EMX1: variants seen among roughly 807,000 people sequenced by gnomAD.
EMX1 encodes the protein homeobox protein EMX1.
Under a neutral mutation model 20.1 loss-of-function variants are expected in EMX1, and 10 were observed. The ratio of observed to expected loss-of-function variants is 0.50; its 90% confidence interval spans 0.31 to 0.84. The LOEUF (loss-of-function observed/expected upper bound fraction) is 0.84, where lower values mean the gene tolerates loss of function less well. Ranked by LOEUF, EMX1 falls within the 40% of genes least tolerant of loss-of-function variation. The pLI, the probability that EMX1 is intolerant of heterozygous loss-of-function variation, is 0.05. For synonymous variants in EMX1, 250 were observed against 200.4 expected, an observed-to-expected ratio of 1.25 and a Z score of -2.09; for missense variants, 424 against 431.9, an observed-to-expected ratio of 0.98 and a Z score of 0.16.
At chr2:72,931,300 G>A (rs550333934) in intron 2 of EMX1, among the ~76,000 whole-genome samples, 1 of 152,334 alleles carries the variant, frequency 6.6e-6, no homozygotes, top group Admixed American at 6.5e-5. Flanking sequence ...TCCCACTACA[G>A]GCCAATGTGA....
intron 1 of EMX1, among the ~76,000 whole-genome samples, chr2:72,918,644 C>G (rs535317672): frequency 2.6e-5 from 4 of 152,356 alleles, no homozygotes; most frequent in Admixed American, 2.6e-4. Context: ...GTCCTCGGAG[C>G]CTGTGCTGGC....
chr2:72,931,591 C>G (rs1318043282), intron 2 of EMX1, among the ~76,000 whole-genome samples: 1 of 152,172 alleles, frequency 6.6e-6, no homozygotes, highest in East Asian at 1.9e-4. Flanking sequence ...TGAGAACCAC[C>G]CAGGGTCCAG....
intron 2 of EMX1, among the ~76,000 whole-genome samples, chr2:72,932,649 G>A (rs1414558562): frequency 6.6e-6 from 1 of 152,142 alleles, no homozygotes; most frequent in Non-Finnish European, 1.5e-5. Context: ...AACAGATGCT[G>A]GAGGAGGAGG....
upstream of EMX1, chr2:72,916,374 C>T (rs1159913515): frequency 2.4e-6 from 1 of 416,618 alleles, no homozygotes; most frequent in East Asian, 5.1e-5. Context: ...GGCGAGGAAG[C>T]GGAACTCTCT....
Position 72,917,701 on chromosome 2 carries a change from C to T in EMX1, c.-152C>T, listed in dbSNP as rs1172065863. ...GTGCGGGCGCCTGGAGCTGCCCGCT[C>T]CGCCGCAGCAGCCGCCGCGCCTGGC... is the stretch of plus-strand genomic sequence containing the variant. On this transcript the variant is annotated 5_prime_UTR_variant, in exon 1 of 3. Transcript: ENST00000258106. 4.2e-6 allele frequency: 3 copies of T among 709,280 alleles called. No individual in the cohort carries two copies. Among genetic ancestry groups the T allele is most frequent in the Non-Finnish European group, 1.9e-6 (1 of 536,500 alleles). 43.9% of individuals were successfully genotyped at this position (709,280 alleles called of 1,614,324 possible). A position where few individuals can be genotyped will look rare whatever the true frequency, so the allele number is the denominator to read the frequency against.
In EMX1 at chr2:72,918,271, C is replaced by A; in HGVS notation, c.419C>A (p.Pro140Gln). ...CCGGCGCACCAGCTGGGCGCCTCCC[C>A]GCTGCAGCCCCCGCACTCCTTCTTC... ...VHPAHQLGAS[P>Q]LQPPHSFFGA... The change falls in exon 1 of 3, where the codon CCG becomes CAG. Residue 140 changes from proline (P) to glutamine (Q), a missense_variant. Physicochemically the swap from Pro to Gln is moderately conservative, Grantham distance 76. Transcript: ENST00000258106. The A allele has an allele frequency of 6.3e-7, 1 of 1,577,090 alleles. No homozygotes were observed. The highest frequency in any genetic ancestry group is 1.1e-5 in the South Asian group (1 of 88,498).
chr2:72,918,172 C>A lies in EMX1; in HGVS notation c.320C>A (p.Ala107Glu). 6.6e-7 allele frequency: 1 copy of A among 1,514,778 alleles called. No individual in the cohort carries two copies. The highest frequency in any genetic ancestry group is 8.7e-7 in the Non-Finnish European group (1 of 1,146,656). 93.8% of individuals were successfully genotyped at this position (1,514,778 alleles called of 1,614,324 possible). The change falls in exon 1 of 3, where the codon GCG becomes GAG. Residue 107 changes from alanine (A) to glutamate (E), a missense_variant. Around this residue, in one of 2 missense-constraint regions of EMX1, gnomAD observed 333 missense variants for 296.6 expected, o/e 1.12. Transcript: ENST00000258106. ...SGFPAAAAAG[A>E]GRSLYGGPEL... ...TTCCCTGCCGCGGCCGCCGCGGGCGCGGGCCGCTCGCTCTACGGTGGGCCC... is the reference window on the plus strand; with the variant it reads ...TTCCCTGCCGCGGCCGCCGCGGGCGAGGGCCGCTCGCTCTACGGTGGGCCC...
At chr2:72,926,361 A>G (rs2105267781) in intron 2 of EMX1, 1 of 894,382 alleles carries the variant, frequency 1.1e-6, no homozygotes, top group East Asian at 1.2e-4. Flanking sequence ...ACAAAACCAG[A>G]TAGAATAACA....
At position 72,933,653 on chromosome 2, in the gene EMX1, G is replaced by A. The variant is rs576224436; in HGVS notation, c.706-134G>A. 89 of 1,205,152 alleles carry A rather than the reference G, an allele frequency of 7.4e-5. No individual in the cohort carries two copies. In the African/African-American group the frequency reaches 1.1e-3, roughly 15 times the overall value. 74.7% of individuals were successfully genotyped at this position (1,205,152 alleles called of 1,614,324 possible). A position where few individuals can be genotyped will look rare whatever the true frequency, so the allele number is the denominator to read the frequency against. On this transcript the variant is annotated intron_variant, in intron 2 of 2. Transcript: ENST00000258106. ...GGAGCAGCTGGTCAGAGGGGACCCCGGCCTGGGGCCCCTAACCCTATGTAG... is the reference window on the plus strand; with the variant it reads ...GGAGCAGCTGGTCAGAGGGGACCCCAGCCTGGGGCCCCTAACCCTATGTAG...
chr2:72,933,713 G>T (rs1671320624), intron 2 of EMX1, 74 bp from the exon 3 acceptor site: 1 of 1,568,166 alleles, frequency 6.4e-7, no homozygotes. Flanking sequence ...AGCTCAGCCT[G>T]AGTGTTGAGG....
upstream of EMX1, chr2:72,916,723 A>G (rs779854698): frequency 1.5e-5 from 11 of 717,254 alleles, no homozygotes; most frequent in South Asian, 1.6e-4. Flanking sequence ...TTTAAGCCAC[A>G]GTGTCTCCGA....
intron 2 of EMX1, among the ~76,000 whole-genome samples, chr2:72,925,107 T>C (rs1443036842): frequency 6.6e-6 from 1 of 152,170 alleles, no homozygotes; most frequent in African/African-American, 2.4e-5. Context: ...CCAGGCCGGC[T>C]GATAGGGCTG....
chr2:72,933,534 T>C (rs1671317099), intron 2 of EMX1: 2 of 515,816 alleles, frequency 3.9e-6, no homozygotes, highest in Non-Finnish European at 6.9e-6. Flanking sequence ...TCTGTGACCC[T>C]TTGTTTGAGA....
At chr2:72,917,147 C>G (rs1405753693), upstream of EMX1, 4 of 613,128 alleles carry the variant, frequency 6.5e-6, no homozygotes, top group East Asian at 1.1e-4. Context: ...AACATCCACC[C>G]TCCGCTCGGA....
At chr2:72,926,083 A>G in intron 2 of EMX1, 1 of 983,038 alleles carries the variant, frequency 1.0e-6, no homozygotes, top group Non-Finnish European at 1.2e-6. Flanking sequence ...ACTTCATTTA[A>G]ACAGTAATAT....
At chr2:72,923,825 A>G (rs114334169) in intron 1 of EMX1, 3,666 of 229,442 alleles carry the variant, frequency 0.016, 138 homozygotes, top group African/African-American at 0.076. Context: ...CCTGACCCCC[A>G]GCCCTGCCTC....
Position 72,934,882 on chromosome 2 carries a change from C to T in EMX1, c.*928C>T, listed in dbSNP as rs1573902172. On this transcript the variant is annotated 3_prime_UTR_variant, in exon 3 of 3. Coordinates refer to ENST00000258106, the MANE Select transcript of EMX1 (RefSeq NM_004097.3). ...TTAAGGCTGAGCCTGCAACCAGTCC[C>T]CAGTGACTCAGGGCCTCCTCAGCCC... 6.6e-6 allele frequency: 1 copy of T among 152,316 alleles called. No individual in the cohort carries two copies. Among genetic ancestry groups the T allele is most frequent in the East Asian group, 1.9e-4 (1 of 5,170 alleles). The allele number at this position is 152,316 out of a possible 1,614,324, so 9.4% of individuals were successfully genotyped here.
At chr2:72,919,915 G>C (rs1475451532) in intron 1 of EMX1, among the ~76,000 whole-genome samples, 1 of 152,240 alleles carries the variant, frequency 6.6e-6, no homozygotes, top group Non-Finnish European at 1.5e-5. Flanking sequence ...GGCTCGATCC[G>C]AAGCCTGGGT....
intron 2 of EMX1, chr2:72,925,482 G>C (rs982521829): frequency 7.8e-7 from 1 of 1,289,000 alleles, no homozygotes; most frequent in Non-Finnish European, 1.0e-6. Flanking sequence ...CAGCCTAGCT[G>C]CTGCCCTGGA....
Sources: allele counts gnomAD v4.1 joint callset (sites outside exome capture counted in the v4.1 genomes callset), GRCh38; gene constraint gnomAD v4.1.1; regional missense constraint gnomAD v4.1.1; transcripts MANE v1.5; gene names NCBI Gene and HGNC (gene_info 2026-07-23, HGNC 2026-07-21).